Variants in TXNRD3 observed in about 807,000 individuals in gnomAD.
TXNRD3 encodes TXNRD3 neighbor gene protein.
Under a neutral mutation model 78.2 loss-of-function variants are expected in TXNRD3, and 68 were observed. That is an observed-to-expected ratio of 0.87 (90% CI 0.72 to 1.06). The LOEUF is 1.06. TXNRD3 is among the 50% of genes least tolerant of loss of function. The pLI is 0.00. For synonymous variants in TXNRD3, 296 were observed against 300.1 expected, an observed-to-expected ratio of 0.99 and a Z score of 0.14; for missense variants, 751 against 809.5, an observed-to-expected ratio of 0.93 and a Z score of 0.88.
chr3:126,624,424 C>CT (rs34255927), intron 10 of TXNRD3, among the ~76,000 whole-genome samples: 344 of 142,072 alleles, frequency 2.4e-3, no homozygotes, highest in Middle Eastern at 3.6e-3. Context: ...AATGGTCTTT[C>CT]TTTTTTTTTT....
chr3:126,629,510 T>C lies in TXNRD3; in HGVS notation c.1198-39A>G, dbSNP rs1397742943. On this transcript the variant is annotated intron_variant, in intron 9 of 15. Coordinates refer to ENST00000524230, the MANE Select transcript of TXNRD3 (RefSeq NM_052883.3). ...AGAGTGTAATGATGTTATCTAAATA[T>C]GATAAAAAAGAAATACACGAAAGGG... The C allele has an allele frequency of 2.0e-6, 3 of 1,465,234 alleles. No homozygotes were observed. The African/African-American group carries it at 4.2e-5, about 21-fold the overall frequency. 90.8% of individuals were successfully genotyped at this position (1,465,234 alleles called of 1,614,324 possible).
chr3:126,607,844 A>C lies in TXNRD3; in HGVS notation c.*61T>G. ...CATGAGCACAGGCTCATTTTATCCG[A>C]GAGCATTCTTATCTTTGAGAGAAAT... On this transcript the variant is annotated 3_prime_UTR_variant, in exon 16 of 16. Transcript: ENST00000524230. 1 of 1,382,142 alleles carries C rather than the reference A, an allele frequency of 7.2e-7. No individual in the cohort carries two copies. Among genetic ancestry groups the C allele is most frequent in the African/African-American group, 1.4e-5 (1 of 70,004 alleles). The allele number at this position is 1,382,142 out of a possible 1,614,324, so 85.6% of individuals were successfully genotyped here. A position where few individuals can be genotyped will look rare whatever the true frequency, so the allele number is the denominator to read the frequency against.
intron 5 of TXNRD3, among the ~76,000 whole-genome samples, chr3:126,643,472 T>C (rs1047689745): frequency 1.3e-5 from 2 of 152,192 alleles, no homozygotes; most frequent in South Asian, 2.1e-4. Flanking sequence ...GCAGCTAATA[T>C]AGTCAATTAT....
At chr3:126,649,061 A>T (rs1933310289) in intron 1 of TXNRD3, among the ~76,000 whole-genome samples, 1 of 152,226 alleles carries the variant, frequency 6.6e-6, no homozygotes, top group Non-Finnish European at 1.5e-5. Context: ...AGGTGACCCA[A>T]GGAACTGAAT....
intron 13 of TXNRD3, among the ~76,000 whole-genome samples, chr3:126,614,661 T>G (rs557166751): frequency 6.6e-5 from 10 of 152,238 alleles, no homozygotes; most frequent in Non-Finnish European, 1.3e-4. Flanking sequence ...AATAGGAGTT[T>G]CTTAAATCCT....
At chr3:126,622,614 T>C in intron 10 of TXNRD3, 74 bp from the exon 11 acceptor site, 1 of 1,099,900 alleles carries the variant, frequency 9.1e-7, no homozygotes, top group South Asian at 1.5e-5. Flanking sequence ...CTATAGATCC[T>C]TCAGACATTA....
chr3:126,629,498 G>A (rs1938661350), intron 9 of TXNRD3, 27 bp from the exon 10 acceptor site: 1 of 1,483,006 alleles, frequency 6.7e-7, no homozygotes, highest in South Asian at 1.2e-5. Context: ...GTGTAATGAT[G>A]TTATCTAAAT....
intron 1 of TXNRD3, among the ~76,000 whole-genome samples, chr3:126,647,630 A>G (rs1204256955): frequency 6.6e-6 from 1 of 151,886 alleles, no homozygotes; most frequent in East Asian, 1.9e-4. Context: ...CCACAATGCT[A>G]CTCCTCTCCT....
intron 5 of TXNRD3, 28 bp from the exon 6 acceptor site, chr3:126,642,179 T>C: frequency 6.6e-7 from 1 of 1,520,268 alleles, no homozygotes; most frequent in South Asian, 1.2e-5. Context: ...TTTTAATGCT[T>C]CTTTGTGTGT....
intron 7 of TXNRD3, among the ~76,000 whole-genome samples, chr3:126,632,910 TA>T (rs954176902): frequency 5.3e-5 from 8 of 152,066 alleles, no homozygotes; most frequent in African/African-American, 1.7e-4. Context: ...CTAGCATCAC[TA>T]AACAAGGAGC....
rs532401730 is a variant in TXNRD3, at chr3:126,629,552, C to T, written c.1198-81G>A. 1.0e-4 allele frequency: 109 copies of T among 1,089,508 alleles called. No individual in the cohort carries two copies. In the East Asian group the frequency reaches 1.1e-3, roughly 11 times the overall value. 67.5% of individuals were successfully genotyped at this position (1,089,508 alleles called of 1,614,324 possible). ...ACGAAAGGGTCTACACCGGTATGTT[C>T]GTGTACATTTGTGTGTTTGGTGGTG... On this transcript the variant is annotated intron_variant, in intron 9 of 15. Transcript: ENST00000524230.
At chr3:126,623,069 C>T (rs186482892) in intron 10 of TXNRD3, among the ~76,000 whole-genome samples, 25 of 152,240 alleles carry the variant, frequency 1.6e-4, no homozygotes, top group South Asian at 1.2e-3. Context: ...CTGTTGTTTA[C>T]GCCCCCTGGT....
At chr3:126,637,923 T>C (rs1932943937) in intron 6 of TXNRD3, among the ~76,000 whole-genome samples, 1 of 144,360 alleles carries the variant, frequency 6.9e-6, no homozygotes, top group Non-Finnish European at 1.5e-5. Flanking sequence ...TTAACCTATA[T>C]TTCTCTCTCT....
At chr3:126,609,667 C>A (rs1437620279) in intron 14 of TXNRD3, among the ~76,000 whole-genome samples, 1 of 152,166 alleles carries the variant, frequency 6.6e-6, no homozygotes, top group African/African-American at 2.4e-5. Context: ...AGTTAAAGAG[C>A]AAGGACAAGA....
rs1938292973 is a variant in TXNRD3, at chr3:126,615,340, A to G, written c.1632+15T>C. ...AAAGAGAATTTTTTAAGGAAGTAAT[A>G]AAACACAATCTTACTTCTAGATTCT... On this transcript the variant is annotated intron_variant, in intron 13 of 15. Transcript: ENST00000524230. 1 of 1,311,028 alleles carries G rather than the reference A, an allele frequency of 7.6e-7. No homozygotes were observed. Among genetic ancestry groups the G allele is most frequent in the Non-Finnish European group, 1.0e-6 (1 of 983,438 alleles). The allele number at this position is 1,311,028 out of a possible 1,614,324, so 81.2% of individuals were successfully genotyped here. A position where few individuals can be genotyped will look rare whatever the true frequency, so the allele number is the denominator to read the frequency against.
intron 10 of TXNRD3, chr3:126,624,860 A>G (rs1938541166): frequency 1.4e-5 from 3 of 213,546 alleles, no homozygotes; most frequent in African/African-American, 4.6e-5. Context: ...AAGTGGCTGC[A>G]GATCTAGGAT....
intron 12 of TXNRD3, 41 bp downstream of exon 12, chr3:126,621,701 T>A: frequency 7.1e-7 from 1 of 1,417,158 alleles, no homozygotes; most frequent in Non-Finnish European, 9.2e-7. Context: ...AAAATCATGA[T>A]CTTGATCAGG....
intron 12 of TXNRD3, among the ~76,000 whole-genome samples, chr3:126,617,553 A>C (rs915566908): frequency 1.3e-5 from 2 of 152,162 alleles, no homozygotes; most frequent in Admixed American, 1.3e-4. Context: ...CCGTGCCCAA[A>C]CCTCTTCATC....
At chr3:126,653,943 T>C (rs1933447722) in intron 1 of TXNRD3, among the ~76,000 whole-genome samples, 1 of 152,006 alleles carries the variant, frequency 6.6e-6, no homozygotes, top group Non-Finnish European at 1.5e-5. Context: ...CCTATGTATG[T>C]ATGGTTCTAT....
Sources: allele counts gnomAD v4.1 joint callset (sites outside exome capture counted in the v4.1 genomes callset), GRCh38; gene constraint gnomAD v4.1.1; transcripts MANE v1.5; gene names NCBI Gene and HGNC (gene_info 2026-07-23, HGNC 2026-07-21).